TCF12: variants seen among roughly 807,000 people sequenced by gnomAD.
TCF12 encodes DNA-binding protein HTF4.
A neutral mutation model predicts 86.0 loss-of-function variants in TCF12; 45 were observed. That is an observed-to-expected ratio of 0.52 (90% CI 0.41 to 0.67). The LOEUF is 0.67. Among genes scored for constraint, TCF12 ranks in the 30% least tolerant of loss-of-function variants. The probability of loss-of-function intolerance (pLI) is 0.00; values close to 1 mark genes in which losing one functional copy is unlikely to be tolerated. For synonymous variants in TCF12, 330 were observed against 299.6 expected (o/e 1.10, Z -1.05); for missense variants, 881 against 859.9 (o/e 1.02, Z -0.31).
intron 3 of TCF12, among the ~76,000 whole-genome samples, chr15:56,963,027 C>CTTTTTTTTTTTT (rs532973260): frequency 2.9e-4 from 28 of 96,202 alleles, no homozygotes; most frequent in East Asian, 5.4e-4. Flanking sequence ...GTGTTAAGGT[C>CTTTTTTTTTTTT]TTTTTTTTTT....
At chr15:57,008,743 C>T (rs911434878) in intron 3 of TCF12, among the ~76,000 whole-genome samples, 4 of 152,258 alleles carry the variant, frequency 2.6e-5, no homozygotes, top group African/African-American at 9.6e-5. Context: ...AGTGTCTAGC[C>T]ATGTCCATTG....
At chr15:57,083,959 A>G (rs141481824) in intron 4 of TCF12, among the ~76,000 whole-genome samples, 111 of 152,310 alleles carry the variant, frequency 7.3e-4, no homozygotes, top group African/African-American at 2.4e-3. Flanking sequence ...TATAAAATAA[A>G]CATTTAATAT....
chr15:57,133,127 T>C (rs1188404640), intron 5 of TCF12, among the ~76,000 whole-genome samples: 1 of 152,240 alleles, frequency 6.6e-6, no homozygotes, highest in African/African-American at 2.4e-5. Flanking sequence ...TTCATACTAT[T>C]GTTTAACAGT....
chr15:57,033,530 G>A (rs1353375731), intron 3 of TCF12, among the ~76,000 whole-genome samples: 1 of 152,052 alleles, frequency 6.6e-6, no homozygotes, highest in African/African-American at 2.4e-5. Flanking sequence ...AGTAGTGGTG[G>A]CAAGATACTG....
In TCF12 at chr15:57,263,545, G is replaced by A. The variant is rs74016144; in HGVS notation, c.1745+271G>A. On this transcript the variant is annotated intron_variant, in intron 18 of 20. Coordinates refer to ENST00000333725, the MANE Select transcript of TCF12 (RefSeq NM_207037.2). ...TATATCTCTTCACTCAAGTTGCTTA[G>A]TCTGTTAGATAAGTAGAAGGTAAAA... Among the ~76,000 whole-genome samples the A allele has an allele frequency of 3.2e-3, 493 of 152,266 alleles. 2 individuals carry two copies. Among genetic ancestry groups the A allele is most frequent in the African/African-American group, 0.011 (468 of 41,564 alleles).
intron 16 of TCF12, among the ~76,000 whole-genome samples, chr15:57,256,980 A>G (rs980254396): frequency 1.3e-5 from 2 of 152,246 alleles, no homozygotes; most frequent in African/African-American, 4.8e-5. Context: ...ATAAAGGGCC[A>G]GAGAGTAAAT....
At chr15:56,938,137 T>C (rs542051788) in intron 3 of TCF12, among the ~76,000 whole-genome samples, 6 of 150,410 alleles carry the variant, frequency 4.0e-5, no homozygotes, top group African/African-American at 7.4e-5. Context: ...AGTTTGCTTT[T>C]TTTTCTTCTT....
At chr15:57,196,856 C>G (rs1429887955) in intron 7 of TCF12, among the ~76,000 whole-genome samples, 1 of 152,126 alleles carries the variant, frequency 6.6e-6, no homozygotes, top group Non-Finnish European at 1.5e-5. Flanking sequence ...GTGTCAAATA[C>G]TGAATGATAC....
Position 57,159,427 on chromosome 15 carries a change from C to T in TCF12, c.326-6975C>T, listed in dbSNP as rs535633512. Among the ~76,000 whole-genome samples the T allele has an allele frequency of 1.1e-4, 17 of 152,144 alleles. No individual in the cohort carries two copies. In the East Asian group the frequency reaches 1.7e-3, roughly 16 times the overall value. On this transcript the variant is annotated intron_variant, in intron 5 of 20. Coordinates refer to ENST00000333725, the MANE Select transcript of TCF12 (RefSeq NM_207037.2). ...CCACAAAAGAGGAGCAGGTTCTCCA[C>T]GAGCAAAAAGGTTAGGTAAATAATG...
chr15:57,096,580 T>G (rs544598915), intron 5 of TCF12, among the ~76,000 whole-genome samples: 4 of 152,288 alleles, frequency 2.6e-5, no homozygotes, highest in Admixed American at 2.6e-4. Context: ...CCTGTATACT[T>G]TAAATCATCT....
At chr15:57,083,225 A>G (rs1263088085) in intron 4 of TCF12, among the ~76,000 whole-genome samples, 1 of 152,150 alleles carries the variant, frequency 6.6e-6, no homozygotes, top group African/African-American at 2.4e-5. Context: ...GTAATGTTCT[A>G]TTTGTTGAGT....
intron 3 of TCF12, among the ~76,000 whole-genome samples, chr15:56,958,846 C>T (rs189044897): frequency 1.3e-5 from 2 of 151,908 alleles, no homozygotes; most frequent in Non-Finnish European, 2.9e-5. Flanking sequence ...TATAGTGAGA[C>T]CCTGTCTCTA....
chr15:57,170,713 A>G (rs55966922), intron 6 of TCF12, among the ~76,000 whole-genome samples: 1 of 26,388 alleles, frequency 3.8e-5, no homozygotes, highest in Admixed American at 7.5e-4. Context: ...ATAATATATA[A>G]TATATATATT....
chr15:57,219,720 C>CTTTTT (rs11395092), intron 8 of TCF12: 12 of 295,858 alleles, frequency 4.1e-5, no homozygotes, highest in South Asian at 6.0e-5. Context: ...TTGTAGATTT[C>CTTTTT]TTTTTTTTTT....
intron 20 of TCF12, among the ~76,000 whole-genome samples, chr15:57,282,838 G>A (rs1158354128): frequency 6.6e-6 from 1 of 152,150 alleles, no homozygotes; most frequent in Non-Finnish European, 1.5e-5. Context: ...TGGTTCTTCT[G>A]TTCGGAGTCA....
chr15:57,052,265 C>G (rs1327127319), intron 3 of TCF12, among the ~76,000 whole-genome samples: 1 of 152,080 alleles, frequency 6.6e-6, no homozygotes, highest in African/African-American at 2.4e-5. Context: ...GTGCCTTGGT[C>G]ATCAGTTGTA....
intron 3 of TCF12, among the ~76,000 whole-genome samples, chr15:57,033,557 A>G (rs1218027335): frequency 6.6e-6 from 1 of 151,990 alleles, no homozygotes; most frequent in African/African-American, 2.4e-5. Flanking sequence ...TTTTTAGAGC[A>G]ATTCTTGGTA....
chr15:57,150,054 C>G (rs1197631696), intron 5 of TCF12, among the ~76,000 whole-genome samples: 2 of 152,146 alleles, frequency 1.3e-5, no homozygotes, highest in Non-Finnish European at 2.9e-5. Context: ...CCCACTCTCT[C>G]ACTGCCTGTA....
chr15:56,995,090 T>C (rs1296714487), intron 3 of TCF12, among the ~76,000 whole-genome samples: 2 of 152,026 alleles, frequency 1.3e-5, no homozygotes, highest in Non-Finnish European at 2.9e-5. Context: ...ATATGTATGT[T>C]ATAATCCCTA....
Sources: allele counts gnomAD v4.1 joint callset (sites outside exome capture counted in the v4.1 genomes callset), GRCh38; gene constraint gnomAD v4.1.1; transcripts MANE v1.5; gene names NCBI Gene and HGNC (gene_info 2026-07-23, HGNC 2026-07-21).